Variants in SCAI observed in about 807,000 individuals in gnomAD.
SCAI encodes protein SCAI.
A neutral mutation model predicts 92.2 loss-of-function variants in SCAI; 24 were observed. The observed-to-expected ratio is 0.26, with a 90% confidence interval of 0.19 to 0.37. SCAI has a LOEUF of 0.37. SCAI is among the 10% of genes least tolerant of loss of function. The pLI, the probability that SCAI is intolerant of heterozygous loss-of-function variation, is 1.00. For missense variants in SCAI, 450 were observed against 736.2 expected (o/e 0.61, Z 4.50); for synonymous variants, 261 against 258.6 (o/e 1.01, Z -0.09).
chr9:125,045,003 G>A (rs542510613), intron 3 of SCAI, among the ~76,000 whole-genome samples: 32 of 152,242 alleles, frequency 2.1e-4, no homozygotes, highest in Admixed American at 1.0e-3. Context: ...ATGCCCATTC[G>A]CTAACACACC....
chr9:124,998,273 C>T (rs1232242941), intron 13 of SCAI, among the ~76,000 whole-genome samples: 3 of 151,962 alleles, frequency 2.0e-5, no homozygotes, highest in East Asian at 1.9e-4. Context: ...GTCAACATGG[C>T]GAAACCCCAT....
intron 6 of SCAI, among the ~76,000 whole-genome samples, chr9:125,025,796 G>C (rs1832955042): frequency 6.6e-6 from 1 of 152,148 alleles, no homozygotes; most frequent in African/African-American, 2.4e-5. Context: ...TACAAGAGTG[G>C]GGCTTTCCCC....
intron 2 of SCAI, among the ~76,000 whole-genome samples, chr9:125,104,630 G>A (rs1336482731): frequency 6.7e-6 from 1 of 149,206 alleles, no homozygotes; most frequent in African/African-American, 2.5e-5. Flanking sequence ...AAAGGCCAGT[G>A]CAGTGGCTCA....
intron 12 of SCAI, 72 bp from the exon 13 acceptor site, chr9:125,000,062 GTAC>G (rs1325363819): frequency 1.9e-5 from 12 of 636,566 alleles, no homozygotes; most frequent in Middle Eastern, 2.5e-4. Flanking sequence ...AAATACAAAG[GTAC>G]TGTGTGAATC....
At chr9:124,963,757 CAAAAAA>C (rs36017738) in intron 17 of SCAI, among the ~76,000 whole-genome samples, 827 of 52,228 alleles carry the variant, frequency 0.016, 4 homozygotes, top group Non-Finnish European at 0.018. Flanking sequence ...GAATCTGTCT[CAAAAAA>C]AAAAAAAAAA....
At chr9:125,134,586 G>C (rs1469479822) in intron 2 of SCAI, among the ~76,000 whole-genome samples, 2 of 152,198 alleles carry the variant, frequency 1.3e-5, no homozygotes, top group Admixed American at 6.5e-5. Context: ...GGACCAGAAA[G>C]GATTCTCCAA....
At chr9:125,099,129 T>C (rs1329274217) in intron 2 of SCAI, among the ~76,000 whole-genome samples, 1 of 152,216 alleles carries the variant, frequency 6.6e-6, no homozygotes, top group Non-Finnish European at 1.5e-5. Flanking sequence ...TTATTTCTGA[T>C]ACTGTTAGCT....
intron 14 of SCAI, among the ~76,000 whole-genome samples, chr9:124,991,407 G>A (rs1040047262): frequency 4.3e-5 from 6 of 138,996 alleles, no homozygotes; most frequent in Non-Finnish European, 7.8e-5. Context: ...ATGAAGAAAT[G>A]TACATGAAAC....
intron 3 of SCAI, among the ~76,000 whole-genome samples, chr9:125,049,009 T>A (rs940660602): frequency 2.0e-5 from 3 of 152,004 alleles, no homozygotes; most frequent in African/African-American, 7.2e-5. Context: ...CCTCCCAAAG[T>A]GCTGGGATTA....
chr9:125,063,408 T>C (rs115346529), intron 2 of SCAI, among the ~76,000 whole-genome samples: 1 of 147,022 alleles, frequency 6.8e-6, no homozygotes, highest in South Asian at 2.1e-4. Flanking sequence ...AAAGAATGAA[T>C]ATAGAAAAGA....
intron 2 of SCAI, among the ~76,000 whole-genome samples, chr9:125,137,072 T>A (rs190973202): frequency 5.1e-4 from 78 of 152,294 alleles, no homozygotes; most frequent in African/African-American, 1.7e-3. Context: ...CCTATTTTTT[T>A]AAATATCTGG....
At chr9:124,991,083 T>G (rs138461095) in intron 14 of SCAI, among the ~76,000 whole-genome samples, 81 of 152,334 alleles carry the variant, frequency 5.3e-4, no homozygotes, top group African/African-American at 1.8e-3. Context: ...CCAGGCGCAG[T>G]GGCTCATGCC....
intron 2 of SCAI, among the ~76,000 whole-genome samples, chr9:125,115,370 C>CAAAAAAAAA (rs58814200): frequency 1.9e-5 from 1 of 52,424 alleles, no homozygotes; most frequent in Non-Finnish European, 3.5e-5. Context: ...AGACTCTCCT[C>CAAAAAAAAA]AAAAAAAAAA....
chr9:124,976,082 C>G lies in SCAI; in HGVS notation c.1399+32G>C, dbSNP rs748510205. 10 of 1,411,312 alleles carry G rather than the reference C, an allele frequency of 7.1e-6. No homozygotes were observed. In the South Asian group the frequency reaches 1.2e-4, roughly 16 times the overall value. 87.4% of individuals were successfully genotyped at this position (1,411,312 alleles called of 1,614,324 possible). On this transcript the variant is annotated intron_variant, in intron 15 of 17. Coordinates refer to ENST00000336505, the MANE Select transcript of SCAI (RefSeq NM_001144877.3). ...AATATAGATAGTGTTTATTTGCAAC[C>G]TATGGCTATACCAGGCAATGAGGGT...
chr9:124,959,537 CAT>C (rs988962047), intron 17 of SCAI, among the ~76,000 whole-genome samples: 25 of 143,738 alleles, frequency 1.7e-4, no homozygotes, highest in Middle Eastern at 3.6e-3. Flanking sequence ...TATATACACA[CAT>C]ATATATATAT....
intron 17 of SCAI, among the ~76,000 whole-genome samples, chr9:124,967,341 C>A (rs1831561754): frequency 6.6e-6 from 1 of 152,174 alleles, no homozygotes; most frequent in Non-Finnish European, 1.5e-5. Flanking sequence ...GGAAATCAAC[C>A]ATATTCTATC....
intron 14 of SCAI, 59 bp downstream of exon 14, chr9:124,994,875 G>A: frequency 9.5e-7 from 1 of 1,052,450 alleles, no homozygotes; most frequent in South Asian, 1.4e-5. Flanking sequence ...CATTAAGAGT[G>A]GGTACCCTTG....
intron 3 of SCAI, among the ~76,000 whole-genome samples, chr9:125,054,758 C>T (rs1833630847): frequency 1.3e-5 from 2 of 152,094 alleles, no homozygotes; most frequent in African/African-American, 2.4e-5. Flanking sequence ...CAGAAGAGTG[C>T]AAGAGTTAAG....
chr9:125,117,449 T>C (rs769632027), intron 2 of SCAI, among the ~76,000 whole-genome samples: 6 of 152,176 alleles, frequency 3.9e-5, no homozygotes, highest in Admixed American at 2.0e-4. Flanking sequence ...GTAGATCACC[T>C]GAGGTCAGGA....
Sources: gnomAD v4.1 joint callset for allele counts (sites outside exome capture counted in the v4.1 genomes callset) on GRCh38, gnomAD v4.1.1 for gene constraint, MANE v1.5 for transcripts, NCBI Gene and HGNC (gene_info 2026-07-23, HGNC 2026-07-21) for gene names.